The following MEF2C variants were observed in gnomAD, a reference collection of about 807,000 sequenced individuals.
MEF2C encodes myocyte enhancer factor 2C.
Under a neutral mutation model 50.5 loss-of-function variants are expected in MEF2C, and 6 were observed. The ratio of observed to expected loss-of-function variants is 0.12; its 90% CI spans 0.07 to 0.23. The LOEUF (loss-of-function observed/expected upper bound fraction) is 0.23, where lower values mean the gene tolerates loss of function less well. MEF2C is among the 10% of genes least tolerant of loss of function. The pLI is 1.00. For missense variants in MEF2C, 276 were observed against 605.0 expected (o/e 0.46, Z 5.70); for synonymous variants, 183 against 228.0 (o/e 0.80, Z 1.78).
intron 1 of MEF2C, among the ~76,000 whole-genome samples, chr5:88,900,908 C>G (rs1401395901): frequency 6.6e-6 from 1 of 151,978 alleles, no homozygotes; most frequent in African/African-American, 2.4e-5. Flanking sequence ...AAATGAGAAG[C>G]TGAAAGCTTT....
intron 1 of MEF2C, among the ~76,000 whole-genome samples, chr5:88,849,424 CACATAAT>C (rs1271686337): frequency 2.0e-5 from 3 of 152,014 alleles, no homozygotes; most frequent in African/African-American, 7.2e-5. Context: ...AGGTCATATG[CACATAAT>C]ATATATACAG....
intron 4 of MEF2C, among the ~76,000 whole-genome samples, chr5:88,760,490 T>C (rs1018361357): frequency 6.6e-6 from 1 of 152,260 alleles, no homozygotes; most frequent in African/African-American, 2.4e-5. Context: ...AGTGCTGTTG[T>C]TGAATTTCAT....
intron 1 of MEF2C, among the ~76,000 whole-genome samples, chr5:88,837,693 A>G (rs917772409): frequency 6.6e-6 from 1 of 152,222 alleles, no homozygotes; most frequent in Non-Finnish European, 1.5e-5. Flanking sequence ...ATCATCCTAC[A>G]GAAACAATAA....
intron 1 of MEF2C, among the ~76,000 whole-genome samples, chr5:88,825,127 A>G (rs1017180645): frequency 7.9e-5 from 12 of 151,910 alleles, no homozygotes; most frequent in African/African-American, 2.4e-4. Flanking sequence ...ATGCTAAGCC[A>G]ATGTCCTGGC....
chr5:88,872,114 T>C (rs770041553), intron 1 of MEF2C, among the ~76,000 whole-genome samples: 1 of 151,916 alleles, frequency 6.6e-6, no homozygotes, highest in Non-Finnish European at 1.5e-5. Flanking sequence ...ATAATCAAAG[T>C]TGTCTAATAA....
Position 88,848,877 on chromosome 5 carries a change from G to T in MEF2C, c.-142-24947C>A, listed in dbSNP as rs371249058. Among the ~76,000 whole-genome samples, 28 of 152,218 alleles carry T rather than the reference G, an allele frequency of 1.8e-4. No individual in the cohort carries two copies. The East Asian group carries it at 4.6e-3, about 25-fold the overall frequency. On this transcript the variant is annotated intron_variant, in intron 1 of 10. Transcript: ENST00000504921. Reference sequence around the variant, plus strand: ...TTAAAATAATATTATTGTGAGCCAGGCGTGGTGGCTAACGCATGTAATCCC... The same window carrying T: ...TTAAAATAATATTATTGTGAGCCAGTCGTGGTGGCTAACGCATGTAATCCC...
rs182014542 is a variant in MEF2C at position 88,810,502 on chromosome 5, G to T, written c.55-5701C>A. ...CACAGGATACAGAAAGAATGGGGAG[G>T]ATCCATGGGTTCAGGATGACTGAGT... On this transcript the variant is annotated intron_variant, in intron 2 of 10. Coordinates refer to ENST00000504921, the MANE Select transcript of MEF2C (RefSeq NM_002397.5). 4.4e-3 allele frequency among the ~76,000 whole-genome samples: 650 copies of T among 148,888 alleles called. 8 individuals are homozygous for T. The highest frequency in any genetic ancestry group is 0.016 in the African/African-American group (623 of 39,766).
intron 3 of MEF2C, among the ~76,000 whole-genome samples, chr5:88,796,000 ATGG>A (rs1795884591): frequency 6.6e-6 from 1 of 152,164 alleles, no homozygotes; most frequent in African/African-American, 2.4e-5. Context: ...TGACTTGATC[ATGG>A]TGGATAAGCT....
intron 3 of MEF2C, among the ~76,000 whole-genome samples, chr5:88,776,786 G>A (rs1322722756): frequency 6.6e-6 from 1 of 152,120 alleles, no homozygotes; most frequent in Non-Finnish European, 1.5e-5. Flanking sequence ...CATCATATGG[G>A]CTCAGCACTT....
At chr5:88,797,712 G>T (rs181188885) in intron 3 of MEF2C, among the ~76,000 whole-genome samples, 1 of 151,986 alleles carries the variant, frequency 6.6e-6, no homozygotes, top group East Asian at 1.9e-4. Context: ...TATTTTGCCC[G>T]TTAGTTGATG....
intron 3 of MEF2C, among the ~76,000 whole-genome samples, chr5:88,793,865 A>G (rs1209252309): frequency 6.6e-6 from 1 of 151,330 alleles, no homozygotes; most frequent in Non-Finnish European, 1.5e-5. Context: ...TCATTGTTCA[A>G]CTCCCACTTA....
intron 3 of MEF2C, among the ~76,000 whole-genome samples, chr5:88,803,690 T>C (rs1799267055): frequency 6.6e-6 from 1 of 152,182 alleles, no homozygotes; most frequent in African/African-American, 2.4e-5. Flanking sequence ...TCATGAAGGG[T>C]ACTACAAAGT....
intron 6 of MEF2C, chr5:88,741,444 T>A (rs1366551459): frequency 1.0e-6 from 1 of 985,244 alleles, no homozygotes; most frequent in African/African-American, 1.7e-5. Flanking sequence ...ATACTTTCCT[T>A]GGTTGTTTTA....
chr5:88,848,328 T>A (rs575127768), intron 1 of MEF2C, among the ~76,000 whole-genome samples: 1 of 152,282 alleles, frequency 6.6e-6, no homozygotes, highest in East Asian at 1.9e-4. Context: ...AGAAAAATGG[T>A]TGAATGGCTA....
intron 3 of MEF2C, chr5:88,775,733 G>A (rs186085983): frequency 2.6e-6 from 2 of 755,398 alleles, no homozygotes; most frequent in East Asian, 2.6e-4. Flanking sequence ...ATATTATGCA[G>A]ATGATAATAT....
intron 4 of MEF2C, 113 bp from the exon 5 acceptor site, chr5:88,752,156 G>T: frequency 1.1e-6 from 1 of 936,924 alleles, no homozygotes; most frequent in Non-Finnish European, 1.5e-6. Context: ...AAACTACTTT[G>T]TGTCTAGAAG....
chr5:88,772,897 C>T (rs1783029542), intron 3 of MEF2C: 4 of 985,288 alleles, frequency 4.1e-6, no homozygotes, highest in Non-Finnish European at 4.8e-6. Flanking sequence ...CACTTAGATG[C>T]TAATTGAGGG....
chr5:88,770,583 A>ACCC (rs1781955300), intron 3 of MEF2C, among the ~76,000 whole-genome samples: 1 of 152,054 alleles, frequency 6.6e-6, no homozygotes, highest in African/African-American at 2.4e-5. Flanking sequence ...ATTCCAGCCT[A>ACCC]CCCCTTCATC....
chr5:88,754,288 T>C (rs1774219568), intron 4 of MEF2C, among the ~76,000 whole-genome samples: 1 of 152,250 alleles, frequency 6.6e-6, no homozygotes, highest in African/African-American at 2.4e-5. Flanking sequence ...TGTTCTCTCC[T>C]ATACACATAG....
Sources: gnomAD v4.1 joint callset for allele counts (sites outside exome capture counted in the v4.1 genomes callset) on GRCh38, gnomAD v4.1.1 for gene constraint, MANE v1.5 for transcripts, NCBI Gene and HGNC (gene_info 2026-07-23, HGNC 2026-07-21) for gene names.